The following FOXN3 variants were observed in gnomAD, a reference collection of about 807,000 sequenced individuals.
FOXN3 encodes forkhead box N3, also known as forkhead box protein N3.
A neutral mutation model predicts 38.4 loss-of-function variants in FOXN3; 7 were observed. The observed-to-expected ratio is 0.18, with a 90% CI of 0.10 to 0.34. The LOEUF is 0.34. Ranked by LOEUF, FOXN3 falls within the 10% of genes least tolerant of loss-of-function variation. The probability of loss-of-function intolerance (pLI) is 1.00; values close to 1 mark genes in which losing one functional copy is unlikely to be tolerated. For synonymous variants in FOXN3, 230 were observed against 242.2 expected, an observed-to-expected ratio of 0.95 and a Z score of 0.47; for missense variants, 456 against 613.4, an observed-to-expected ratio of 0.74 and a Z score of 2.71.
intron 1 of FOXN3, chr14:89,486,531 C>T (rs761983375): frequency 6.6e-6 from 1 of 152,110 alleles, no homozygotes; most frequent in Non-Finnish European, 1.5e-5. Flanking sequence ...ATGCAATCTA[C>T]GTAAAGCATG....
intron 1 of FOXN3, among the ~76,000 whole-genome samples, chr14:89,546,329 CTTTTTTTTTTTT>C (rs1157998619): frequency 3.8e-5 from 3 of 78,314 alleles, no homozygotes; most frequent in Non-Finnish European, 6.8e-5. Flanking sequence ...TTTCCTTTTT[CTTTTTTTTTTTT>C]TTTTTTTGAG....
intron 1 of FOXN3, among the ~76,000 whole-genome samples, chr14:89,596,956 C>T (rs1896068193): frequency 2.0e-5 from 3 of 152,020 alleles, no homozygotes; most frequent in South Asian, 4.1e-4. Flanking sequence ...GATTCTCCCC[C>T]CATTTCATTA....
chr14:89,269,518 C>G (rs994239533), intron 4 of FOXN3, among the ~76,000 whole-genome samples: 1 of 150,678 alleles, frequency 6.6e-6, no homozygotes, highest in Admixed American at 6.6e-5. Context: ...GAAGCTGAGG[C>G]CTTGCCACTG....
intron 1 of FOXN3, among the ~76,000 whole-genome samples, chr14:89,481,744 T>C (rs901897145): frequency 3.3e-5 from 5 of 152,182 alleles, no homozygotes; most frequent in African/African-American, 1.2e-4. Flanking sequence ...GGGGATTAAA[T>C]GAAGCAACGC....
At chr14:89,273,160 T>C (rs1002775308) in intron 4 of FOXN3, among the ~76,000 whole-genome samples, 3 of 152,226 alleles carry the variant, frequency 2.0e-5, no homozygotes, top group African/African-American at 4.8e-5. Context: ...TTCCATTCTA[T>C]AACCTCCTGC....
At chr14:89,558,626 T>G (rs1895176263) in intron 1 of FOXN3, among the ~76,000 whole-genome samples, 1 of 152,242 alleles carries the variant, frequency 6.6e-6, no homozygotes, top group South Asian at 2.1e-4. Context: ...ATGAGGATTC[T>G]GGGATCAAAC....
chr14:89,420,601 G>A (rs113025875), upstream of FOXN3, among the ~76,000 whole-genome samples: 4,360 of 152,212 alleles, frequency 0.029, 227 homozygotes, highest in African/African-American at 0.096. Flanking sequence ...AGAAATCGAT[G>A]GCACAGAATT....
At position 89,156,308 on chromosome 14, in the gene FOXN3, T is replaced by C. The variant is rs1471500069; in HGVS notation, c.*6106A>G. On this transcript the variant is annotated 3_prime_UTR_variant, in exon 6 of 6. Transcript: ENST00000557258. ...ATGAAATAGTTTGTCTTTGGCAATATGATTACATACGAAGAATGCAAAATG... is the reference window on the plus strand; with the variant it reads ...ATGAAATAGTTTGTCTTTGGCAATACGATTACATACGAAGAATGCAAAATG... The C allele has an allele frequency of 1.3e-5, 2 of 152,642 alleles. No individual in the cohort carries two copies. Among genetic ancestry groups the C allele is most frequent in the Non-Finnish European group, 2.9e-5 (2 of 68,034 alleles). The allele number at this position is 152,642 out of a possible 1,614,324, so 9.5% of individuals were successfully genotyped here.
intron 1 of FOXN3, among the ~76,000 whole-genome samples, chr14:89,430,357 A>C (rs973393082): frequency 2.0e-5 from 3 of 152,248 alleles, no homozygotes; most frequent in African/African-American, 7.2e-5. Context: ...ATTTTCCTTC[A>C]AACTTACAAT....
intron 1 of FOXN3, among the ~76,000 whole-genome samples, chr14:89,587,904 A>C (rs1307598727): frequency 6.7e-6 from 1 of 150,204 alleles, no homozygotes; most frequent in African/African-American, 2.4e-5. Flanking sequence ...AGGAATCATA[A>C]TTTTGGGTAA....
intron 1 of FOXN3, among the ~76,000 whole-genome samples, chr14:89,569,184 G>A (rs536114788): frequency 6.6e-6 from 1 of 151,876 alleles, no homozygotes; most frequent in African/African-American, 2.4e-5. Context: ...TAGCCTGGGG[G>A]ACAGAGCGAG....
intron 4 of FOXN3, among the ~76,000 whole-genome samples, chr14:89,213,518 A>G (rs1398343468): frequency 6.6e-6 from 1 of 152,162 alleles, no homozygotes; most frequent in Non-Finnish European, 1.5e-5. Flanking sequence ...TTTTTGAAAC[A>G]TATAGCTACT....
chr14:89,463,703 C>G (rs1250783602), intron 1 of FOXN3, among the ~76,000 whole-genome samples: 3 of 152,078 alleles, frequency 2.0e-5, no homozygotes, highest in Non-Finnish European at 4.4e-5. Flanking sequence ...GCTTCAGGGC[C>G]ATAAGTTACT....
At chr14:89,418,234 C>T (rs139325220), upstream of FOXN3, among the ~76,000 whole-genome samples, 2 of 152,230 alleles carry the variant, frequency 1.3e-5, no homozygotes, top group African/African-American at 4.8e-5. Flanking sequence ...CCCTTCCTGC[C>T]ACCCCCTCCT....
At chr14:89,438,036 G>A (rs186321115) in intron 1 of FOXN3, among the ~76,000 whole-genome samples, 6 of 152,344 alleles carry the variant, frequency 3.9e-5, no homozygotes, top group Admixed American at 2.0e-4. Flanking sequence ...ATGAATGAAC[G>A]ACTGCTGTAC....
At chr14:89,215,706 A>C (rs758899006) in intron 4 of FOXN3, among the ~76,000 whole-genome samples, 1 of 152,214 alleles carries the variant, frequency 6.6e-6, no homozygotes, top group Non-Finnish European at 1.5e-5. Flanking sequence ...GATGAAATGC[A>C]GAAGAAAAGT....
intron 4 of FOXN3, among the ~76,000 whole-genome samples, chr14:89,265,515 G>A (rs111767740): frequency 2.7e-4 from 41 of 152,090 alleles, no homozygotes; most frequent in Non-Finnish European, 4.1e-4. Context: ...AGGAATGAGA[G>A]TGACTTAAAC....
At chr14:89,544,322 T>C (rs1449776350) in intron 1 of FOXN3, among the ~76,000 whole-genome samples, 9 of 151,860 alleles carry the variant, frequency 5.9e-5, no homozygotes, top group African/African-American at 1.9e-4. Flanking sequence ...ATTACAGGCG[T>C]GAGCCACTGT....
intron 4 of FOXN3, among the ~76,000 whole-genome samples, chr14:89,259,573 A>G (rs1354573083): frequency 6.6e-6 from 1 of 152,232 alleles, no homozygotes; most frequent in African/African-American, 2.4e-5. Context: ...ATAAAATAAG[A>G]TAAAAAATAA....
Sources: allele counts gnomAD v4.1 joint callset (sites outside exome capture counted in the v4.1 genomes callset), GRCh38; gene constraint gnomAD v4.1.1; transcripts MANE v1.5; gene names NCBI Gene and HGNC (gene_info 2026-07-23, HGNC 2026-07-21).